SCHIP1: variants seen among roughly 807,000 people sequenced by gnomAD.
SCHIP1 encodes schwannomin interacting protein 1, also known as schwannomin-interacting protein 1.
In SCHIP1, 8 loss-of-function variants were observed where a neutral mutation model predicts 29.7. That is an observed-to-expected ratio of 0.27 (90% CI 0.16 to 0.49). SCHIP1 has a LOEUF of 0.49. SCHIP1 is among the 20% of genes least tolerant of loss of function. The pLI is 0.99. For synonymous variants in SCHIP1, 76 were observed against 94.9 expected, an observed-to-expected ratio of 0.80 and a Z score of 1.16; for missense variants, 193 against 294.6, an observed-to-expected ratio of 0.66 and a Z score of 2.52.
At chr3:159,541,783 T>C in the SCHIP1 span, among the ~76,000 whole-genome samples, 1 of 152,120 alleles carries the variant, frequency 6.6e-6, no homozygotes, top group Admixed American at 6.6e-5. Context: ...GTTAAAATAG[T>C]CCATGCAGTT....
chr3:159,815,817 G>C, the SCHIP1 span, among the ~76,000 whole-genome samples: 52 of 151,980 alleles, frequency 3.4e-4, no homozygotes, highest in Admixed American at 3.3e-3. Context: ...ACCAAGTCTT[G>C]CCAATTTACC....
the SCHIP1 span, among the ~76,000 whole-genome samples, chr3:159,329,638 A>C: frequency 6.6e-6 from 1 of 152,214 alleles, no homozygotes; most frequent in Non-Finnish European, 1.5e-5. Context: ...CGACATAAAA[A>C]GCCATCTATA....
the SCHIP1 span, among the ~76,000 whole-genome samples, chr3:159,739,432 G>A: frequency 3.3e-5 from 5 of 152,302 alleles, no homozygotes; most frequent in Non-Finnish European, 5.9e-5. Flanking sequence ...GCCTAGACAA[G>A]AGGAGTATTG....
At chr3:159,555,525 G>T in the SCHIP1 span, among the ~76,000 whole-genome samples, 1 of 152,056 alleles carries the variant, frequency 6.6e-6, no homozygotes, top group African/African-American at 2.4e-5. Flanking sequence ...AATTATATTG[G>T]GTAATTTGTA....
the SCHIP1 span, among the ~76,000 whole-genome samples, chr3:159,523,658 C>T: frequency 2.0e-3 from 310 of 152,220 alleles, 1 homozygote; most frequent in African/African-American, 6.9e-3. Context: ...CATTTATTTA[C>T]GCATCCATCC....
the SCHIP1 span, among the ~76,000 whole-genome samples, chr3:159,531,621 A>C: frequency 6.6e-6 from 1 of 152,280 alleles, no homozygotes; most frequent in Non-Finnish European, 1.5e-5. Flanking sequence ...TAATCAATCA[A>C]TGCAAAAGTA....
At chr3:159,665,596 C>A in the SCHIP1 span, among the ~76,000 whole-genome samples, 1 of 149,576 alleles carries the variant, frequency 6.7e-6, no homozygotes, top group African/African-American at 2.5e-5. Context: ...AGTCAACACA[C>A]TTTATCAAAT....
chr3:159,302,606 C>T, the SCHIP1 span, among the ~76,000 whole-genome samples: 405 of 152,244 alleles, frequency 2.7e-3, 2 homozygotes, highest in African/African-American at 8.9e-3. Context: ...TCACTATTTT[C>T]GAAATTATCC....
At chr3:159,770,714 G>C in the SCHIP1 span, among the ~76,000 whole-genome samples, 69 of 152,284 alleles carry the variant, frequency 4.5e-4, no homozygotes, top group South Asian at 1.0e-3. Context: ...CACTGAAAGA[G>C]GTTTCCCCTT....
the SCHIP1 span, among the ~76,000 whole-genome samples, chr3:159,315,080 G>T: frequency 4.0e-4 from 61 of 152,128 alleles, no homozygotes; most frequent in African/African-American, 1.1e-3. Context: ...TAGCTATTGC[G>T]AAAAGCTTTT....
chr3:159,810,631 G>A, the SCHIP1 span, among the ~76,000 whole-genome samples: 1 of 152,160 alleles, frequency 6.6e-6, no homozygotes, highest in African/African-American at 2.4e-5. Context: ...CCATGCTGTA[G>A]CACATAACAG....
the SCHIP1 span, among the ~76,000 whole-genome samples, chr3:159,402,243 A>T: frequency 1.4e-3 from 210 of 152,302 alleles, 2 homozygotes; most frequent in African/African-American, 4.8e-3. Flanking sequence ...ACCATCTCAC[A>T]CCAGTTAGAA....
chr3:159,703,695 C>T, the SCHIP1 span, among the ~76,000 whole-genome samples: 2 of 152,160 alleles, frequency 1.3e-5, no homozygotes, highest in Admixed American at 1.3e-4. Flanking sequence ...TCCACTTAGG[C>T]TGTCAAATTT....
the SCHIP1 span, among the ~76,000 whole-genome samples, chr3:159,783,440 C>T: frequency 1.3e-5 from 2 of 152,342 alleles, no homozygotes; most frequent in Middle Eastern, 6.8e-3. Flanking sequence ...CAAAATCACT[C>T]CCTTACCTCA....
the SCHIP1 span, among the ~76,000 whole-genome samples, chr3:159,434,834 G>A: frequency 3.3e-5 from 5 of 152,128 alleles, no homozygotes; most frequent in Non-Finnish European, 5.9e-5. Flanking sequence ...TACTCTTCTT[G>A]TTTCCCATGA....
the SCHIP1 span, among the ~76,000 whole-genome samples, chr3:159,368,109 C>G: frequency 6.6e-6 from 1 of 152,176 alleles, no homozygotes; most frequent in South Asian, 2.1e-4. Context: ...CCCAACTCCT[C>G]TGATCAAACC....
chr3:159,345,267 T>C, the SCHIP1 span, among the ~76,000 whole-genome samples: 6 of 147,028 alleles, frequency 4.1e-5, no homozygotes, highest in Non-Finnish European at 6.0e-5. Flanking sequence ...CGCAGTGACA[T>C]AAAGAAATTA....
At chr3:159,886,521 T>G in intron 3 of SCHIP1, 197 bp downstream of exon 4, 1 of 503,208 alleles carries the variant, frequency 2.0e-6, no homozygotes, top group Non-Finnish European at 3.5e-6. Flanking sequence ...TAAGCTTTCT[T>G]AAAGTTAATA....
At chr3:159,625,815 T>TC in the SCHIP1 span, among the ~76,000 whole-genome samples, 12 of 152,128 alleles carry the variant, frequency 7.9e-5, no homozygotes, top group East Asian at 2.3e-3. Context: ...ACGGCTTCCC[T>TC]CCCTTCTGTA....
Sources: gnomAD v4.1 joint callset for allele counts (sites outside exome capture counted in the v4.1 genomes callset) on GRCh38, gnomAD v4.1.1 for gene constraint, MANE v1.5 for transcripts, NCBI Gene and HGNC (gene_info 2026-07-23, HGNC 2026-07-21) for gene names.